GVQW3: variants seen among roughly 807,000 people sequenced by gnomAD.
GVQW3 encodes GVQW motif containing 3.
GVQW3 carries 7 observed loss-of-function variants against 12.5 expected under a neutral mutation model. That is an observed-to-expected ratio of 0.56 (90% CI 0.32 to 1.05). GVQW3 has a LOEUF of 1.05. Among genes scored for constraint, GVQW3 ranks in the 50% least tolerant of loss-of-function variants. The pLI, the probability that GVQW3 is intolerant of heterozygous loss-of-function variation, is 0.04. For synonymous variants in GVQW3, 71 were observed against 67.2 expected, an observed-to-expected ratio of 1.06 and a Z score of -0.28; for missense variants, 188 against 190.8, an observed-to-expected ratio of 0.99 and a Z score of 0.09.
At chr11:76,395,301 C>G (rs1431735852) in intron 1 of GVQW3, among the ~76,000 whole-genome samples, 1 of 152,238 alleles carries the variant, frequency 6.6e-6, no homozygotes, top group Non-Finnish European at 1.5e-5. Context: ...TCTCCATTCT[C>G]TCTCATCCTT....
In GVQW3 at chr11:76,404,156, T is replaced by G; in HGVS notation, c.*398T>G. The G allele has an allele frequency of 2.3e-6, 1 of 432,290 alleles. No individual in the cohort carries two copies. Among genetic ancestry groups the G allele is most frequent in the Non-Finnish European group, 4.1e-6 (1 of 243,540 alleles). 26.8% of individuals were successfully genotyped at this position (432,290 alleles called of 1,614,324 possible). A position where few individuals can be genotyped will look rare whatever the true frequency, so the allele number is the denominator to read the frequency against. On this transcript the variant is annotated 3_prime_UTR_variant, in exon 2 of 2. Coordinates refer to ENST00000529331, the MANE Select transcript of GVQW3 (RefSeq NM_001347885.2). ...CTTATTTATTTTAGACTAGTTAAGTTCAGTAGTGAGAAAGAGGGAAGGAAT... is the reference window on the plus strand; with the variant it reads ...CTTATTTATTTTAGACTAGTTAAGTGCAGTAGTGAGAAAGAGGGAAGGAAT...
At chr11:76,394,159 A>G (rs1438853191) in intron 1 of GVQW3, among the ~76,000 whole-genome samples, 1 of 152,206 alleles carries the variant, frequency 6.6e-6, no homozygotes, top group Non-Finnish European at 1.5e-5. Context: ...TTGGCCTCCC[A>G]AAGTGTGATT....
At chr11:76,413,602 TC>T (rs776935896) in exon 2 of GVQW3, 1 of 152,234 alleles carries the variant, frequency 6.6e-6, no homozygotes, top group Non-Finnish European at 1.5e-5. Flanking sequence ...AGAGCAGCTC[TC>T]CTTCCCAACC....
At chr11:76,388,017 T>C (rs533058056) in intron 1 of GVQW3, among the ~76,000 whole-genome samples, 8 of 152,326 alleles carry the variant, frequency 5.3e-5, no homozygotes, top group African/African-American at 1.9e-4. Flanking sequence ...CCTTGAAATA[T>C]TCTGGTTCAC....
At chr11:76,387,352 C>T (rs960918521) in intron 1 of GVQW3, among the ~76,000 whole-genome samples, 4 of 152,024 alleles carry the variant, frequency 2.6e-5, no homozygotes, top group African/African-American at 9.7e-5. Flanking sequence ...AGGAGAATTG[C>T]TTGAACCCTG....
chr11:76,411,384 G>A (rs773285661), downstream of GVQW3: 3 of 152,260 alleles, frequency 2.0e-5, no homozygotes, highest in Non-Finnish European at 4.4e-5. Flanking sequence ...CTCTGTGTTG[G>A]GCGCCAGTGT....
At chr11:76,408,981 G>A (rs4945083), downstream of GVQW3, among the ~76,000 whole-genome samples, 82,397 of 151,956 alleles carry the variant, frequency 0.54, 23,046 homozygotes, top group South Asian at 0.66. Flanking sequence ...CATTCTTCCC[G>A]GGTGCAGCTC....
rs1220451112 is a variant in GVQW3 at position 76,405,111 on chromosome 11, T to C, written c.*1353T>C. On this transcript the variant is annotated 3_prime_UTR_variant, in exon 2 of 2. Transcript: ENST00000529331. ...TGGTCTTTCCATCTTGGTTACAAGA[T>C]GGCTGTGACACCCTGCCCTCACCTC... The C allele has an allele frequency of 1.3e-5, 2 of 152,338 alleles. No individual in the cohort carries two copies. Among genetic ancestry groups the C allele is most frequent in the African/African-American group, 4.8e-5 (2 of 41,580 alleles). 9.4% of individuals were successfully genotyped at this position (152,338 alleles called of 1,614,324 possible).
At chr11:76,402,621 T>C (rs1039507065) in intron 1 of GVQW3, among the ~76,000 whole-genome samples, 1 of 152,128 alleles carries the variant, frequency 6.6e-6, no homozygotes, top group East Asian at 1.9e-4. Context: ...AGGAGTGCGA[T>C]GTGAGACCCA....
chr11:76,389,815 A>G (rs937867304), intron 1 of GVQW3: 14 of 152,188 alleles, frequency 9.2e-5, no homozygotes. Flanking sequence ...CGATGTGCCA[A>G]GTCTACCTCC....
chr11:76,413,352 G>A (rs1364984100), exon 2 of GVQW3: 2 of 152,102 alleles, frequency 1.3e-5, no homozygotes, highest in South Asian at 2.1e-4. Flanking sequence ...TAACATGATC[G>A]CCATTGACAA....
At chr11:76,398,157 AAAG>A (rs1433510720) in intron 1 of GVQW3, among the ~76,000 whole-genome samples, 4 of 152,120 alleles carry the variant, frequency 2.6e-5, no homozygotes, top group Admixed American at 6.5e-5. Context: ...AAAAGAAAGA[AAAG>A]AAAATGACTG....
intron 1 of GVQW3, among the ~76,000 whole-genome samples, chr11:76,399,218 C>T (rs1465361116): frequency 6.6e-6 from 1 of 152,184 alleles, no homozygotes; most frequent in Non-Finnish European, 1.5e-5. Flanking sequence ...CAGCTCACTG[C>T]AACCTCTACC....
rs556259620 is a variant in GVQW3, at chr11:76,395,495, C to T, written c.466-8165C>T. Among the ~76,000 whole-genome samples the T allele has an allele frequency of 1.2e-3, 177 of 152,262 alleles. 1 individual carries two copies. Among genetic ancestry groups the T allele is most frequent in the Non-Finnish European group, 2.2e-3 (152 of 68,020 alleles). Reference sequence around the variant, plus strand: ...CTGTGTCTCTTTGATGTGCTTCCAACCTTTTGTTTTTTCTTAGCAGGTCCT... The same window carrying T: ...CTGTGTCTCTTTGATGTGCTTCCAATCTTTTGTTTTTTCTTAGCAGGTCCT... On this transcript the variant is annotated intron_variant, in intron 1 of 1. Transcript: ENST00000529331.
At chr11:76,410,765 C>T (rs1442031721), downstream of GVQW3, 1 of 152,230 alleles carries the variant, frequency 6.6e-6, no homozygotes, top group African/African-American at 2.4e-5. Flanking sequence ...CTGCACATCT[C>T]GGCAGGCAGG....
chr11:76,403,544 ACTGCAGGCTTGCATTC>A (rs1688713386), intron 1 of GVQW3, 100 bp from the exon 2 acceptor site: 3 of 408,116 alleles, frequency 7.4e-6, no homozygotes, highest in Non-Finnish European at 1.3e-5. Context: ...ATTTTAGCTC[ACTGCAGGCTTGCATTC>A]CTGGGCTCAA....
At chr11:76,411,953 G>C (rs1159436054), downstream of GVQW3, 1 of 152,156 alleles carries the variant, frequency 6.6e-6, no homozygotes, top group Non-Finnish European at 1.5e-5. Flanking sequence ...GAAATCTCTG[G>C]AATATGGATC....
intron 1 of GVQW3, among the ~76,000 whole-genome samples, chr11:76,387,024 A>C (rs889466904): frequency 2.0e-4 from 30 of 152,234 alleles, no homozygotes; most frequent in Admixed American, 6.5e-5. Flanking sequence ...AGACATAGTT[A>C]ATATAGAAAC....
downstream of GVQW3, chr11:76,412,869 G>T (rs1947090686): frequency 6.6e-6 from 1 of 152,182 alleles, no homozygotes; most frequent in Non-Finnish European, 1.5e-5. Flanking sequence ...TGGGTCACAG[G>T]CTACATTTTT....
Sources: allele counts gnomAD v4.1 joint callset (sites outside exome capture counted in the v4.1 genomes callset), GRCh38; gene constraint gnomAD v4.1.1; transcripts MANE v1.5; gene names NCBI Gene and HGNC (gene_info 2026-07-23, HGNC 2026-07-21).